The following PSG6 variants were observed in gnomAD, a reference collection of about 807,000 sequenced individuals.
PSG6 encodes the protein pregnancy specific beta-1-glycoprotein 6.
A neutral mutation model predicts 43.3 loss-of-function variants in PSG6; 51 were observed. That is an observed-to-expected ratio of 1.18 (90% confidence interval 0.94 to 1.49). The LOEUF (loss-of-function observed/expected upper bound fraction) is 1.49, where lower values mean the gene tolerates loss of function less well. Among genes scored for constraint, PSG6 ranks in the 40% most tolerant of loss-of-function variants. PSG6 has a pLI of 0.00. For missense variants in PSG6, 770 were observed against 522.2 expected (o/e 1.47, Z -4.62); for synonymous variants, 292 against 197.6 (o/e 1.48, Z -4.01).
chr19:42,905,106 A>G (rs1165125204), intron 5 of PSG6, among the ~76,000 whole-genome samples: 5 of 151,804 alleles, frequency 3.3e-5, no homozygotes, highest in Non-Finnish European at 7.4e-5. Context: ...ACCTTTACCT[A>G]ACACCATGTA....
At chr19:42,915,460 G>C (rs1972307120) in intron 2 of PSG6, 1 of 152,192 alleles carries the variant, frequency 6.6e-6, no homozygotes, top group South Asian at 2.1e-4. Flanking sequence ...ACTTTCTATG[G>C]AGTGTCCTAG....
rs1600540027 is a variant in PSG6, at chr19:42,906,772, A to G, written c.1240+150T>C. 5.0e-6 allele frequency: 8 copies of G among 1,586,752 alleles called. 1 individual carries two copies. Among genetic ancestry groups the G allele is most frequent in the Non-Finnish European group, 6.9e-6 (8 of 1,162,586 alleles). ...AACAAGCAGAAGAGAGTCTGTAGAG[A>G]TAAGTTGGGAGGGTTCAGGAGGAGA... On this transcript the variant is annotated intron_variant, in intron 5 of 5. Transcript: ENST00000187910.
At chr19:42,910,409 G>T in intron 3 of PSG6, 171 bp downstream of exon 3, 1 of 1,529,268 alleles carries the variant, frequency 6.5e-7, no homozygotes, top group South Asian at 1.2e-5. Flanking sequence ...TCTTATTGTT[G>T]ATCAAGCCTA....
intron 2 of PSG6, among the ~76,000 whole-genome samples, chr19:42,914,475 G>A (rs1157265464): frequency 6.9e-6 from 1 of 144,194 alleles, no homozygotes; most frequent in Admixed American, 6.9e-5. Flanking sequence ...TGAGCAGTGA[G>A]GGAGACACTG....
intron 3 of PSG6, 196 bp downstream of exon 3, chr19:42,910,384 G>A (rs1175259415): frequency 7.2e-7 from 1 of 1,398,398 alleles, no homozygotes; most frequent in Admixed American, 2.0e-5. Flanking sequence ...CCCATGACAG[G>A]AGAAGCCTCT....
intron 2 of PSG6, 39 bp from the exon 3 acceptor site, chr19:42,910,897 C>A: frequency 6.4e-7 from 1 of 1,563,746 alleles, no homozygotes; most frequent in Non-Finnish European, 8.7e-7. Flanking sequence ...CTGTGTGGCA[C>A]CTTTGATTCC....
rs758057510 is a variant in PSG6, at chr19:42,910,562, G to A, written c.706+18C>T. On this transcript the variant is annotated intron_variant, in intron 3 of 5. Transcript: ENST00000187910. ...TTGGGATGGCAGCCTGGCTCACAGAGGAACAGAAGATACTCACGGAGGAGA... is the reference window on the plus strand; with the variant it reads ...TTGGGATGGCAGCCTGGCTCACAGAAGAACAGAAGATACTCACGGAGGAGA... The A allele has an allele frequency of 1.2e-6, 2 of 1,612,576 alleles. No homozygotes were observed. The highest frequency in any genetic ancestry group is 1.7e-5 in the Admixed American group (1 of 59,930).
intron 2 of PSG6, among the ~76,000 whole-genome samples, chr19:42,911,295 A>G (rs1042525391): frequency 2.0e-5 from 3 of 151,534 alleles, no homozygotes; most frequent in African/African-American, 7.3e-5. Flanking sequence ...CATCCTAGAG[A>G]TGGATGATGG....
rs539764792 is a variant in PSG6 at position 42,906,185 on chromosome 19, G to A, written c.1240+737C>T. Among the ~76,000 whole-genome samples the A allele has an allele frequency of 2.5e-4, 38 of 151,592 alleles. 1 individual carries two copies. Among genetic ancestry groups the A allele is most frequent in the African/African-American group, 9.0e-4 (37 of 41,312 alleles). ...AGCTCTGCATCAGTCACTGTCCTCC[G>A]TGCTGTGTCCCACGTGCTGTGCCCA... On this transcript the variant is annotated intron_variant, in intron 5 of 5. Transcript: ENST00000187910.
At chr19:42,903,992 C>T (rs1458086773) in intron 5 of PSG6, among the ~76,000 whole-genome samples, 2 of 151,454 alleles carry the variant, frequency 1.3e-5, no homozygotes, top group Non-Finnish European at 2.9e-5. Flanking sequence ...TAATTGTATG[C>T]CAATAAATTG....
intron 2 of PSG6, among the ~76,000 whole-genome samples, chr19:42,914,064 G>T (rs1438115248): frequency 3.3e-5 from 5 of 151,512 alleles, no homozygotes; most frequent in Non-Finnish European, 7.4e-5. Flanking sequence ...GTGTGCAGGA[G>T]GCCAGAGGAA....
intron 3 of PSG6, 194 bp downstream of exon 3, chr19:42,910,386 G>C: frequency 7.1e-7 from 1 of 1,408,794 alleles, no homozygotes; most frequent in Non-Finnish European, 9.8e-7. Context: ...CATGACAGGA[G>C]AAGCCTCTTC....
intron 2 of PSG6, among the ~76,000 whole-genome samples, chr19:42,911,784 T>C (rs1972231327): frequency 6.6e-6 from 1 of 151,742 alleles, no homozygotes; most frequent in African/African-American, 2.4e-5. Context: ...GTCTTGCAGA[T>C]ACTTTCTCTT....
chr19:42,906,771 G>T (rs1411020549), intron 5 of PSG6, 151 bp downstream of exon 5: 3 of 1,586,152 alleles, frequency 1.9e-6, no homozygotes, highest in Non-Finnish European at 2.6e-6. Context: ...AGTCTGTAGA[G>T]ATAAGTTGGG....
chr19:42,917,718 C>T lies in PSG6; in HGVS notation c.64+11G>A, dbSNP rs192221590. 1.5e-4 allele frequency: 249 copies of T among 1,607,600 alleles called. 11 individuals carry two copies. Among genetic ancestry groups the T allele is most frequent in the South Asian group, 4.6e-4 (42 of 90,426 alleles). ...CTCCTCCTGTCCTCTCCCAGGAAGT[C>T]CTCTCCTCACCTGTGAGCAGGAGCC... On this transcript the variant is annotated intron_variant, in intron 1 of 5. Coordinates refer to ENST00000187910, the MANE Select transcript of PSG6 (RefSeq NM_001031850.4).
rs779017228 is a variant in PSG6 at position 42,910,469 on chromosome 19, T to C, written c.706+111A>G. ...AGAAAGTCATGGCCAGCTTTGATGT[T>C]CAGGGATAAAGGTCTCTGTACTTGG... On this transcript the variant is annotated intron_variant, in intron 3 of 5. Coordinates refer to ENST00000187910, the MANE Select transcript of PSG6 (RefSeq NM_001031850.4). 43 of 1,610,590 alleles carry C rather than the reference T, an allele frequency of 2.7e-5. 2 individuals carry two copies. Among genetic ancestry groups the C allele is most frequent in the South Asian group, 2.4e-4 (22 of 90,516 alleles).
chr19:42,914,523 A>T (rs112192503), intron 2 of PSG6, among the ~76,000 whole-genome samples: 10,383 of 125,238 alleles, frequency 0.083, 755 homozygotes, highest in East Asian at 0.25. Context: ...CCCCAGCTCC[A>T]CAGTCCAGGA....
At chr19:42,905,652 A>G (rs1411019709) in intron 5 of PSG6, among the ~76,000 whole-genome samples, 1 of 151,744 alleles carries the variant, frequency 6.6e-6, no homozygotes, top group East Asian at 1.9e-4. Context: ...CACACTAGCC[A>G]AAAATGGAAA....
chr19:42,910,795 A>G lies in PSG6; in HGVS notation c.491T>C (p.Val164Ala), dbSNP rs753439569. The G allele has an allele frequency of 6.2e-6, 10 of 1,612,330 alleles. 2 individuals are homozygous for G. The South Asian group carries it at 1.1e-4, about 18-fold the overall frequency. Residue 164 changes from valine (V) to alanine (A), a missense_variant, in exon 3 of 6, where the codon GTG becomes GCG. Coordinates refer to ENST00000187910, the MANE Select transcript of PSG6 (RefSeq NM_001031850.4). ...NLNPREVMEA[V>A]RLICDPETPD... Reference sequence around the variant, plus strand: ...AGTCTCAGGATCACAGATTAAGCGCACAGCCTCCATGACCTCCCTGGGGTT... The same window carrying G: ...AGTCTCAGGATCACAGATTAAGCGCGCAGCCTCCATGACCTCCCTGGGGTT...
Sources: allele counts gnomAD v4.1 joint callset (sites outside exome capture counted in the v4.1 genomes callset), GRCh38; gene constraint gnomAD v4.1.1; transcripts MANE v1.5; gene names NCBI Gene and HGNC (gene_info 2026-07-23, HGNC 2026-07-21).